The following GIP variants were observed in gnomAD, a reference collection of about 807,000 sequenced individuals.
The protein encoded by GIP is gastric inhibitory polypeptide.
GIP carries 16 observed loss-of-function variants against 18.1 expected under a neutral mutation model. The ratio of observed to expected loss-of-function variants is 0.88; its 90% CI spans 0.60 to 1.34. The LOEUF (loss-of-function observed/expected upper bound fraction) is 1.34, where lower values mean the gene tolerates loss of function less well. Ranked by LOEUF, GIP falls within the 40% of genes most tolerant of loss-of-function variation. GIP has a pLI of 0.00. For missense variants in GIP, 192 were observed against 183.4 expected (o/e 1.05, Z -0.27); for synonymous variants, 76 against 74.0 (o/e 1.03, Z -0.14).
At chr17:48,961,880 A>G in intron 3 of GIP, 61 bp from the exon 4 acceptor site, 1 of 1,187,168 alleles carries the variant, frequency 8.4e-7, no homozygotes, top group Non-Finnish European at 1.2e-6. Flanking sequence ...GGGACACTTG[A>G]ATCTTTTAAT....
chr17:48,962,405 TG>T (rs1376077457), intron 3 of GIP, among the ~76,000 whole-genome samples: 9 of 150,474 alleles, frequency 6.0e-5, no homozygotes, highest in African/African-American at 2.2e-4. Context: ...AGTCTCGCTC[TG>T]TTGCCAGGCT....
chr17:48,965,388 A>G lies in GIP; in HGVS notation c.87-908T>C, dbSNP rs564655322. Among the ~76,000 whole-genome samples the G allele has an allele frequency of 3.4e-4, 51 of 150,014 alleles. 1 individual carries two copies. The East Asian group carries it at 9.3e-3, about 27-fold the overall frequency. On this transcript the variant is annotated intron_variant, in intron 2 of 5. Coordinates refer to ENST00000357424, the MANE Select transcript of GIP (RefSeq NM_004123.3). ...GGGAGGCCAAGGTGGGTGGATCACA[A>G]AGTCAGGAGATTGAGACCATCCTGG...
rs1461801743 is a variant in GIP, at chr17:48,964,292, G to C, written c.257+18C>G. On this transcript the variant is annotated intron_variant, in intron 3 of 5. Transcript: ENST00000357424. ...GAGCCCGGCACAGGGAACAGGAGGA[G>C]TGTAAGCAGCGACTCACTCATTCTT... 6.2e-7 allele frequency: 1 copy of C among 1,606,274 alleles called. No homozygotes were observed. The highest frequency in any genetic ancestry group is 8.5e-7 in the Non-Finnish European group (1 of 1,173,438).
At chr17:48,961,942 A>T in intron 3 of GIP, 123 bp from the exon 4 acceptor site, 1 of 680,398 alleles carries the variant, frequency 1.5e-6, no homozygotes, top group Non-Finnish European at 2.6e-6. Flanking sequence ...CCCACCTAAC[A>T]GTGGTCTTCA....
At chr17:48,961,459 G>A (rs1439491832) in intron 4 of GIP, among the ~76,000 whole-genome samples, 4 of 152,182 alleles carry the variant, frequency 2.6e-5, no homozygotes, top group Non-Finnish European at 5.9e-5. Flanking sequence ...TCCTGACTCA[G>A]TGACTGTGCT....
At chr17:48,964,111 G>C (rs1290262192) in intron 3 of GIP, among the ~76,000 whole-genome samples, 199 bp downstream of exon 3, 1 of 144,058 alleles carries the variant, frequency 6.9e-6, no homozygotes, top group African/African-American at 2.6e-5. Context: ...AGTGAGCCGA[G>C]ATCGCGCCAC....
In GIP at chr17:48,958,570, A is replaced by C; in HGVS notation, c.*137T>G. 1.4e-6 allele frequency: 1 copy of C among 709,818 alleles called. No individual in the cohort carries two copies. Among genetic ancestry groups the C allele is most frequent in the Non-Finnish European group, 2.5e-6 (1 of 396,258 alleles). 44.0% of individuals were successfully genotyped at this position (709,818 alleles called of 1,614,324 possible). A position where few individuals can be genotyped will look rare whatever the true frequency, so the allele number is the denominator to read the frequency against. On this transcript the variant is annotated 3_prime_UTR_variant, in exon 6 of 6. Coordinates refer to ENST00000357424, the MANE Select transcript of GIP (RefSeq NM_004123.3). ...CATGCCCTGTTAGTGCTCAGTAGTCATTTTAATAAATTTTCACAATGGGCT... is the reference window on the plus strand; with the variant it reads ...CATGCCCTGTTAGTGCTCAGTAGTCCTTTTAATAAATTTTCACAATGGGCT...
intron 4 of GIP, 115 bp downstream of exon 4, chr17:48,961,612 A>G (rs1440790792): frequency 4.5e-6 from 3 of 665,194 alleles, no homozygotes; most frequent in Non-Finnish European, 7.9e-6. Flanking sequence ...CTCTGAGAGG[A>G]AGAGGATGCT....
intron 3 of GIP, among the ~76,000 whole-genome samples, chr17:48,963,525 T>C (rs1598103863): frequency 6.8e-6 from 1 of 146,972 alleles, no homozygotes; most frequent in Non-Finnish European, 1.5e-5. Context: ...CCAGGTATGG[T>C]GGCGCGTACC....
At chr17:48,965,170 A>AGG (rs2041228931) in intron 2 of GIP, among the ~76,000 whole-genome samples, 3 of 145,844 alleles carry the variant, frequency 2.1e-5, no homozygotes, top group East Asian at 2.0e-4. Flanking sequence ...GCGTGGTGGC[A>AGG]CATGCCTGTA....
chr17:48,967,070 C>G (rs879876694), intron 2 of GIP, 77 bp downstream of exon 2: 1 of 1,077,964 alleles, frequency 9.3e-7, no homozygotes, highest in East Asian at 2.4e-5. Flanking sequence ...TTTCTCATCT[C>G]CCCCTAGAAA....
In GIP at chr17:48,958,568, T is replaced by TA; in HGVS notation, c.*138_*139insT. The TA allele has an allele frequency of 1.4e-6, 1 of 694,076 alleles. No individual in the cohort carries two copies. 43.0% of individuals were successfully genotyped at this position (694,076 alleles called of 1,614,324 possible). A position where few individuals can be genotyped will look rare whatever the true frequency, so the allele number is the denominator to read the frequency against. ...AACATGCCCTGTTAGTGCTCAGTAG[T>TA]CATTTTAATAAATTTTCACAATGGG... On this transcript the variant is annotated 3_prime_UTR_variant, in exon 6 of 6. Coordinates refer to ENST00000357424, the MANE Select transcript of GIP (RefSeq NM_004123.3).
rs1226907169 is a variant in GIP, at chr17:48,967,133, C to G, written c.86+14G>C. ...CCCTCCTCTGCCCCATCCCTTTCCT[C>G]TCACCACTCCTACCTGAAGTGACCC... On this transcript the variant is annotated intron_variant, in intron 2 of 5. Coordinates refer to ENST00000357424, the MANE Select transcript of GIP (RefSeq NM_004123.3). 1 of 1,591,818 alleles carries G rather than the reference C, an allele frequency of 6.3e-7. No homozygotes were observed. The highest frequency in any genetic ancestry group is 2.2e-5 in the East Asian group (1 of 44,760).
intron 4 of GIP, 52 bp from the exon 5 acceptor site, chr17:48,961,039 G>A (rs1346577713): frequency 7.9e-7 from 1 of 1,273,108 alleles, no homozygotes; most frequent in Admixed American, 2.1e-5. Flanking sequence ...TTCGCCCAGA[G>A]AGGGTAAACA....
chr17:48,964,324 C>G lies in GIP; in HGVS notation c.243G>C (p.Lys81Asn). The stretch of plus-strand genomic sequence containing the variant: ...CAGCGACTCACTCATTCTTCTTCCC[C>G]TTTTGGGCCAGCAGCCAGTTCACAA... ...QDFVNWLLAQKGKKNDWKHNI... is the reference protein window; with the variant it reads ...QDFVNWLLAQNGKKNDWKHNI... Residue 81 changes from lysine to asparagine, a missense_variant, in exon 3 of 6, where the codon AAG (lysine) becomes AAC (asparagine). Lys to Asn is a moderately conservative substitution (Grantham distance 94, BLOSUM62 0). Coordinates refer to ENST00000357424, the MANE Select transcript of GIP (RefSeq NM_004123.3). 6.2e-7 allele frequency: 1 copy of G among 1,613,744 alleles called. No homozygotes were observed.
chr17:48,967,357 T>TCC, intron 1 of GIP, 104 bp from the exon 2 acceptor site: 1 of 626,812 alleles, frequency 1.6e-6, no homozygotes, highest in Non-Finnish European at 2.7e-6. Context: ...CTTTTCCTTT[T>TCC]TCTTTTTTTT....
intron 5 of GIP, among the ~76,000 whole-genome samples, chr17:48,958,931 C>T (rs61018047): frequency 0.41 from 61,222 of 150,280 alleles, 14,818 homozygotes; most frequent in East Asian, 0.7. Context: ...CTCGGCTCAC[C>T]GCAAGCTCCA....
intron 2 of GIP, 82 bp downstream of exon 2, chr17:48,967,065 C>T (rs997331782): frequency 2.9e-6 from 3 of 1,043,624 alleles, no homozygotes; most frequent in African/African-American, 1.6e-5. Flanking sequence ...TTCCCTTTCT[C>T]ATCTCCCCCT....
chr17:48,967,080 A>G, intron 2 of GIP, 67 bp downstream of exon 2: 1 of 1,219,310 alleles, frequency 8.2e-7, no homozygotes, highest in Admixed American at 1.7e-5. Context: ...CCCCCTAGAA[A>G]CAAATCCAGA....
Sources: allele counts gnomAD v4.1 joint callset (sites outside exome capture counted in the v4.1 genomes callset), GRCh38; gene constraint gnomAD v4.1.1; transcripts MANE v1.5; gene names NCBI Gene and HGNC (gene_info 2026-07-23, HGNC 2026-07-21).